The following SAFB variants were observed in gnomAD, a reference collection of about 807,000 sequenced individuals.
SAFB encodes the protein scaffold attachment factor B1.
Under a neutral mutation model 101.6 loss-of-function variants are expected in SAFB, and 15 were observed. The ratio of observed to expected loss-of-function variants is 0.15; its 90% CI spans 0.10 to 0.23. SAFB has a LOEUF of 0.23. Among genes scored for constraint, SAFB ranks in the 10% least tolerant of loss-of-function variants. The pLI is 1.00. For missense variants in SAFB, 930 were observed against 1,104.1 expected (o/e 0.84, Z 2.23); for synonymous variants, 449 against 407.5 (o/e 1.10, Z -1.23).
Position 5,623,383 on chromosome 19 carries a change from C to A in SAFB, c.178C>A (p.Arg60=). 6.2e-7 allele frequency: 1 copy of A among 1,613,610 alleles called. No individual in the cohort carries two copies. The highest frequency in any genetic ancestry group is 1.7e-5 in the Admixed American group (1 of 60,006). ...CGGCAACAAGAGCGTTTTGATGGAG[C>A]GGCTGAAGAAGGTGGATTTGGGGCC... ...SSGNKSVLME[R]LKKAIEDEGG... is the part of the protein sequence containing the mutation. Residue 60 remains arginine (R), a synonymous_variant, in exon 1 of 21, where the codon CGG becomes AGG. Coordinates refer to ENST00000588852, the MANE Select transcript of SAFB (RefSeq NM_001201338.2).
chr19:5,658,482 C>T (rs1287124545), intron 14 of SAFB, among the ~76,000 whole-genome samples: 2 of 152,166 alleles, frequency 1.3e-5, no homozygotes, highest in African/African-American at 4.8e-5. Flanking sequence ...CACCTGAGGT[C>T]AGGAGTTCGA....
At chr19:5,660,937 C>CTT (rs35511041) in intron 14 of SAFB, among the ~76,000 whole-genome samples, 7 of 38,022 alleles carry the variant, frequency 1.8e-4, no homozygotes, top group Non-Finnish European at 2.2e-4. Context: ...TACTCTGTGG[C>CTT]TTTTTTTTTT....
chr19:5,643,875 A>G (rs558742481), intron 4 of SAFB, among the ~76,000 whole-genome samples: 1 of 148,530 alleles, frequency 6.7e-6, no homozygotes, highest in African/African-American at 2.5e-5. Flanking sequence ...AAAAAAAAAG[A>G]GTTCAGAGGT....
chr19:5,664,203 GC>G (rs2054279956), intron 16 of SAFB, 44 bp downstream of exon 16: 2 of 1,600,078 alleles, frequency 1.2e-6, no homozygotes, highest in Non-Finnish European at 1.7e-6. Flanking sequence ...CTTTTTCCTG[GC>G]TCATTCTGAC....
intron 17 of SAFB, 133 bp from the exon 18 acceptor site, chr19:5,666,912 GA>G: frequency 1.3e-6 from 1 of 761,322 alleles, no homozygotes; most frequent in East Asian, 2.4e-5. Flanking sequence ...TGTGTTGTGT[GA>G]ACCGATACAG....
chr19:5,632,701 T>G (rs957241052), intron 2 of SAFB, among the ~76,000 whole-genome samples: 1 of 152,214 alleles, frequency 6.6e-6, no homozygotes, highest in African/African-American at 2.4e-5. Context: ...AGTTATACGC[T>G]TGTCAGAAAT....
Position 5,667,791 on chromosome 19 carries a change from C to G in SAFB, c.2558-29C>G. ...GGGTTCCACGCCGTGTGCGCAAGTTCCCTGTGTGAAAGCACGTCTGTCTTC... is the reference window on the plus strand; with the variant it reads ...GGGTTCCACGCCGTGTGCGCAAGTTGCCTGTGTGAAAGCACGTCTGTCTTC... On this transcript the variant is annotated intron_variant, in intron 19 of 20. Coordinates refer to ENST00000588852, the MANE Select transcript of SAFB (RefSeq NM_001201338.2). This position sits in a 1 kb window ranked among gnomAD's most constrained non-coding sequence, Gnocchi z 4.0. The G allele has an allele frequency of 6.2e-7, 1 of 1,612,886 alleles. No individual in the cohort carries two copies. Among genetic ancestry groups the G allele is most frequent in the Non-Finnish European group, 8.5e-7 (1 of 1,178,944 alleles).
intron 17 of SAFB, chr19:5,666,605 A>AT (rs916284803): frequency 5.9e-6 from 1 of 168,930 alleles, no homozygotes; most frequent in Admixed American, 5.5e-5. Context: ...GAAGGAAGAA[A>AT]TTTGTAAAAA....
intron 17 of SAFB, chr19:5,665,047 T>C (rs2054297392): frequency 6.5e-6 from 1 of 153,106 alleles, no homozygotes; most frequent in African/African-American, 2.4e-5. Context: ...AGCACATTGC[T>C]GTGTGGAAGA....
chr19:5,661,729 G>A lies in SAFB; in HGVS notation c.2074G>A (p.Glu692Lys). 1.3e-6 allele frequency: 2 copies of A among 1,593,602 alleles called. No individual in the cohort carries two copies. The highest frequency in any genetic ancestry group is 1.7e-6 in the Non-Finnish European group (2 of 1,172,320). Reference sequence around the variant, plus strand: ...GCAGGAGCGCATCCACCGTGAGCGCGAGGAGCTGAGGCGCCAGCAGGAACT... The same window carrying A: ...GCAGGAGCGCATCCACCGTGAGCGCAAGGAGCTGAGGCGCCAGCAGGAACT... ...REQERIHRER[E>K]ELRRQQELRY... Residue 692 changes from glutamate (E) to lysine (K), a missense_variant, in exon 15 of 21, where the codon GAG (glutamate) becomes AAG (lysine). Physicochemically the swap from Glu to Lys is moderately conservative, Grantham distance 56. This residue lies in a region of SAFB where 159 missense variants were observed against 234.1 expected (regional missense o/e 0.68). Coordinates refer to ENST00000588852, the MANE Select transcript of SAFB (RefSeq NM_001201338.2).
intron 17 of SAFB, 41 bp downstream of exon 17, chr19:5,664,480 A>T: frequency 1.3e-6 from 2 of 1,518,508 alleles, no homozygotes; most frequent in Non-Finnish European, 1.8e-6. Context: ...AATTTCCCAT[A>T]GAATGGGTTC....
intron 2 of SAFB, among the ~76,000 whole-genome samples, chr19:5,629,249 G>C (rs1941901910): frequency 6.6e-6 from 1 of 152,138 alleles, no homozygotes; most frequent in South Asian, 2.1e-4. Flanking sequence ...AAGACCCTGT[G>C]TCTAGAAAAA....
At chr19:5,629,061 C>A (rs2053431852) in intron 2 of SAFB, among the ~76,000 whole-genome samples, 1 of 152,096 alleles carries the variant, frequency 6.6e-6, no homozygotes, top group African/African-American at 2.4e-5. Context: ...CCCCACAAAA[C>A]GTTTAGATTT....
intron 2 of SAFB, among the ~76,000 whole-genome samples, chr19:5,633,155 T>A (rs1336126564): frequency 2.0e-5 from 3 of 152,244 alleles, no homozygotes; most frequent in Admixed American, 6.5e-5. Flanking sequence ...GGTGATTTTT[T>A]AATTTTGTTA....
At position 5,653,535 on chromosome 19, in the gene SAFB, C is replaced by T. The variant is rs780151389; in HGVS notation, c.1526+115C>T. 5.5e-4 allele frequency: 463 copies of T among 843,372 alleles called. 1 individual carries two copies. Among genetic ancestry groups the T allele is most frequent in the Non-Finnish European group, 7.7e-4 (408 of 529,192 alleles). The allele number at this position is 843,372 out of a possible 1,614,324, so 52.2% of individuals were successfully genotyped here. On this transcript the variant is annotated intron_variant, in intron 11 of 20. Coordinates refer to ENST00000588852, the MANE Select transcript of SAFB (RefSeq NM_001201338.2). The stretch of plus-strand genomic sequence containing the variant: ...AGACTGGAGTGCAGTGGTGTGATCT[C>T]GGCTCACCTCAACTCCACCTCCTGG...
At position 5,649,381 on chromosome 19, in the gene SAFB, A is replaced by G. The variant is rs1206803352; in HGVS notation, c.1030A>G (p.Ser344Gly). 7 of 427,696 alleles carry G rather than the reference A, an allele frequency of 1.6e-5. No homozygotes were observed. Among genetic ancestry groups the G allele is most frequent in the Admixed American group, 1.4e-4 (2 of 14,448 alleles). The allele number at this position is 427,696 out of a possible 1,614,324, so 26.5% of individuals were successfully genotyped here. A position where few individuals can be genotyped will look rare whatever the true frequency, so the allele number is the denominator to read the frequency against. The change falls in exon 7 of 21, where the codon AGC (serine) becomes GGC (glycine). Residue 344 changes from serine (S) to glycine (G), a missense_variant. Around this residue, in one of 7 missense-constraint regions of SAFB, gnomAD observed 130 missense variants for 114.2 expected, o/e 1.14. Transcript: ENST00000588852. ...ELAEAPTEAP[S>G]PEARDSKEDG... ...CGCAGAAGCACCCACGGAAGCCCCA[A>G]GCCCAGAAGCCAGAGATAGCAAAGA...
At chr19:5,642,198 T>C (rs1240655014) in intron 4 of SAFB, 3 of 537,518 alleles carry the variant, frequency 5.6e-6, no homozygotes, top group Non-Finnish European at 1.0e-5. Flanking sequence ...ATTCAGACTC[T>C]TCCTGTTGCC....
intron 17 of SAFB, chr19:5,664,718 A>T: frequency 2.5e-6 from 1 of 396,542 alleles, no homozygotes; most frequent in Non-Finnish European, 4.7e-6. Flanking sequence ...GTGCCAGGGA[A>T]CCTTGGGATG....
At chr19:5,641,535 T>C in intron 2 of SAFB, 59 bp from the exon 3 acceptor site, 1 of 1,404,364 alleles carries the variant, frequency 7.1e-7, no homozygotes, top group East Asian at 2.4e-5. Context: ...CTCAGGGCAT[T>C]GTTGCTTCTG....
Sources: gnomAD v4.1 joint callset for allele counts (sites outside exome capture counted in the v4.1 genomes callset) on GRCh38, gnomAD v4.1.1 for gene constraint, gnomAD v4.1.1 regional missense constraint, Gnocchi (gnomAD v3.1) non-coding constraint, MANE v1.5 for transcripts, NCBI Gene and HGNC (gene_info 2026-07-23, HGNC 2026-07-21) for gene names.